The following FBXO34 variants were observed in gnomAD, a reference collection of about 807,000 sequenced individuals.
The protein encoded by FBXO34 is F-box protein 34, also known as F-box only protein 34.
A neutral mutation model predicts 24.5 loss-of-function variants in FBXO34; 12 were observed. The observed-to-expected ratio is 0.49, with a 90% CI of 0.31 to 0.79. FBXO34 has a LOEUF of 0.79. FBXO34 is among the 30% of genes least tolerant of loss of function. The pLI is 0.04. For missense variants in FBXO34, 823 were observed against 857.7 expected (o/e 0.96, Z 0.51); for synonymous variants, 320 against 311.9 (o/e 1.03, Z -0.27).
chr14:55,350,259 T>A, intron 1 of FBXO34, 122 bp from the exon 2 acceptor site: 2 of 635,374 alleles, frequency 3.1e-6, no homozygotes. Flanking sequence ...TGGTAAAGAT[T>A]TAATGAACTG....
chr14:55,290,555 G>A (rs963369696), intron 1 of FBXO34, among the ~76,000 whole-genome samples: 7 of 152,046 alleles, frequency 4.6e-5, no homozygotes, highest in African/African-American at 1.7e-4. Context: ...TATGTATGCT[G>A]CCTGTGTCCT....
chr14:55,414,010 C>G, the FBXO34 span: 2 of 533,036 alleles, frequency 3.8e-6, no homozygotes, highest in East Asian at 5.1e-5. Context: ...TCTAAAAGGC[C>G]TAGAGAACAT....
At chr14:55,424,365 G>T in the FBXO34 span, 5 of 634,546 alleles carry the variant, frequency 7.9e-6, no homozygotes, top group Non-Finnish European at 1.1e-5. Flanking sequence ...AAATAAGTTA[G>T]CTATTTTATC....
At chr14:55,297,098 G>A (rs954475119) in intron 1 of FBXO34, among the ~76,000 whole-genome samples, 2 of 152,214 alleles carry the variant, frequency 1.3e-5, no homozygotes, top group East Asian at 3.9e-4. Context: ...TACAGTACAC[G>A]TGGCTGGCAG....
chr14:55,373,682 C>G (rs1390040233), downstream of FBXO34, among the ~76,000 whole-genome samples: 1 of 152,034 alleles, frequency 6.6e-6, no homozygotes. Context: ...TGGTCTCAAA[C>G]TCCTGAACTC....
chr14:55,371,602 C>T (rs751538956), downstream of FBXO34, among the ~76,000 whole-genome samples: 2 of 152,072 alleles, frequency 1.3e-5, no homozygotes, highest in African/African-American at 4.8e-5. Context: ...GTCAGGAGAT[C>T]GAGACCATTG....
intron 1 of FBXO34, among the ~76,000 whole-genome samples, chr14:55,348,070 A>G (rs1884216324): frequency 6.6e-6 from 1 of 152,142 alleles, no homozygotes; most frequent in Non-Finnish European, 1.5e-5. Flanking sequence ...ACTATACAGT[A>G]TAATGATAGA....
At chr14:55,405,906 GAA>G in the FBXO34 span, among the ~76,000 whole-genome samples, 2 of 151,850 alleles carry the variant, frequency 1.3e-5, no homozygotes, top group East Asian at 1.9e-4. Flanking sequence ...GGCAGGGGAA[GAA>G]AAGGCAGATG....
At chr14:55,364,053 C>G (rs1190914124), downstream of FBXO34, among the ~76,000 whole-genome samples, 2 of 151,458 alleles carry the variant, frequency 1.3e-5, no homozygotes, top group African/African-American at 4.9e-5. Flanking sequence ...TGGGTTCAAG[C>G]GATTCTCCTG....
At chr14:55,325,161 C>G (rs922074882) in intron 1 of FBXO34, among the ~76,000 whole-genome samples, 1 of 152,164 alleles carries the variant, frequency 6.6e-6, no homozygotes, top group Admixed American at 6.5e-5. Context: ...ATTATTATTT[C>G]CCTATAAGAA....
At chr14:55,390,669 C>A in the FBXO34 span, among the ~76,000 whole-genome samples, 3 of 152,204 alleles carry the variant, frequency 2.0e-5, no homozygotes, top group African/African-American at 7.2e-5. Context: ...CCACGCCTGG[C>A]GCCTAACTTT....
At chr14:55,315,610 G>A (rs10138838) in intron 1 of FBXO34, among the ~76,000 whole-genome samples, 14,515 of 152,152 alleles carry the variant, frequency 0.095, 2,066 homozygotes, top group African/African-American at 0.31. Context: ...ACTCTTAATC[G>A]ATTGTATGGT....
chr14:55,357,208 T>G (rs1166046434), downstream of FBXO34, among the ~76,000 whole-genome samples: 1 of 152,206 alleles, frequency 6.6e-6, no homozygotes, highest in African/African-American at 2.4e-5. Context: ...AAAAGCACAG[T>G]AAGGTAGCAT....
the FBXO34 span, chr14:55,413,864 T>A: frequency 2.3e-6 from 1 of 439,444 alleles, no homozygotes; most frequent in East Asian, 5.6e-5. Context: ...TGGGTAACAC[T>A]GTAGACTCTT....
chr14:55,346,920 A>G (rs1884178487), intron 1 of FBXO34, among the ~76,000 whole-genome samples: 1 of 152,196 alleles, frequency 6.6e-6, no homozygotes, highest in Non-Finnish European at 1.5e-5. Context: ...TTAGTAGCCC[A>G]GCACCCCAGT....
At chr14:55,363,949 CT>C (rs201533127), downstream of FBXO34, among the ~76,000 whole-genome samples, 37,010 of 147,106 alleles carry the variant, frequency 0.25, 4,493 homozygotes, top group Non-Finnish European at 0.26. Context: ...TGCCAATTTT[CT>C]TTTTTTTTTT....
chr14:55,286,224 A>C (rs1000360271), intron 1 of FBXO34, among the ~76,000 whole-genome samples: 1 of 152,242 alleles, frequency 6.6e-6, no homozygotes, highest in African/African-American at 2.4e-5. Flanking sequence ...TTCTTGGTTT[A>C]TTAAAGTAAG....
chr14:55,423,881 A>G, the FBXO34 span, among the ~76,000 whole-genome samples: 3 of 152,222 alleles, frequency 2.0e-5, no homozygotes, highest in Non-Finnish European at 4.4e-5. Context: ...AGAGTTTGTA[A>G]CAGTAAGTTT....
intron 1 of FBXO34, among the ~76,000 whole-genome samples, chr14:55,340,227 G>A (rs749892404): frequency 5.7e-4 from 87 of 152,128 alleles, no homozygotes; most frequent in Admixed American, 1.1e-3. Context: ...ACTAATACTT[G>A]TTATCCTGAA....
Sources: gnomAD v4.1 joint callset for allele counts (sites outside exome capture counted in the v4.1 genomes callset) on GRCh38, gnomAD v4.1.1 for gene constraint, MANE v1.5 for transcripts, NCBI Gene and HGNC (gene_info 2026-07-23, HGNC 2026-07-21) for gene names.